Variants in CNTNAP5 observed in about 807,000 individuals in gnomAD.
CNTNAP5 encodes contactin-associated protein-like 5.
In CNTNAP5, 72 loss-of-function variants were observed where a neutral mutation model predicts 150.2. That is an observed-to-expected ratio of 0.48 (90% confidence interval 0.40 to 0.58). CNTNAP5 has a LOEUF of 0.58. Among genes scored for constraint, CNTNAP5 ranks in the 20% least tolerant of loss-of-function variants. CNTNAP5 has a pLI of 0.00. For synonymous variants in CNTNAP5, 672 were observed against 619.8 expected (o/e 1.08, Z -1.25); for missense variants, 1,636 against 1,626.2 (o/e 1.01, Z -0.10).
intron 3 of CNTNAP5, among the ~76,000 whole-genome samples, chr2:124,386,607 A>C (rs1410736294): frequency 6.6e-6 from 1 of 152,238 alleles, no homozygotes; most frequent in Non-Finnish European, 1.5e-5. Flanking sequence ...AGCCTTCTTC[A>C]ATAACTATCT....
At chr2:124,381,431 A>T (rs1377093377) in intron 3 of CNTNAP5, among the ~76,000 whole-genome samples, 2 of 152,128 alleles carry the variant, frequency 1.3e-5, no homozygotes, top group African/African-American at 4.8e-5. Context: ...TTAGACAAGC[A>T]TGCAACAGTA....
intron 1 of CNTNAP5, among the ~76,000 whole-genome samples, chr2:124,070,396 GAAAAAAAAAAAAAA>G (rs70996039): frequency 1.4e-5 from 1 of 72,960 alleles, no homozygotes; most frequent in Non-Finnish European, 2.5e-5. Context: ...GCTGAATGGG[GAAAAAAAAAAAAAA>G]AAAAAAAAAG....
intron 1 of CNTNAP5, among the ~76,000 whole-genome samples, chr2:124,211,877 G>A: frequency 6.6e-6 from 1 of 152,198 alleles, no homozygotes; most frequent in East Asian, 1.9e-4. Flanking sequence ...GATTGATTGA[G>A]CTACACTTTA....
intron 4 of CNTNAP5, among the ~76,000 whole-genome samples, chr2:124,421,764 C>T (rs1692107945): frequency 6.6e-6 from 1 of 152,196 alleles, no homozygotes; most frequent in Non-Finnish European, 1.5e-5. Context: ...CCAGAATTTA[C>T]AGGGTTGACT....
chr2:124,348,032 G>A (rs1350115249), intron 3 of CNTNAP5, among the ~76,000 whole-genome samples: 3 of 151,960 alleles, frequency 2.0e-5, no homozygotes, highest in Admixed American at 6.6e-5. Flanking sequence ...GGGTTTCACT[G>A]TGTTAGCCAG....
intron 1 of CNTNAP5, among the ~76,000 whole-genome samples, chr2:124,113,084 G>T (rs570519342): frequency 1.8e-3 from 268 of 152,194 alleles, no homozygotes; most frequent in Non-Finnish European, 2.8e-3. Flanking sequence ...AGAACAATTT[G>T]TTATTATCTA....
At chr2:124,752,553 A>T (rs2105151623) in intron 14 of CNTNAP5, among the ~76,000 whole-genome samples, 1 of 152,324 alleles carries the variant, frequency 6.6e-6, no homozygotes, top group East Asian at 1.9e-4. Flanking sequence ...GGAAAGCTTT[A>T]ACTACCCGTC....
At chr2:124,218,290 C>T (rs1686213325) in intron 1 of CNTNAP5, among the ~76,000 whole-genome samples, 1 of 152,124 alleles carries the variant, frequency 6.6e-6, no homozygotes, top group African/African-American at 2.4e-5. Flanking sequence ...AAATAGGCTT[C>T]CATTCCCGTT....
chr2:124,318,585 C>G (rs904976223), intron 3 of CNTNAP5, among the ~76,000 whole-genome samples: 13 of 152,172 alleles, frequency 8.5e-5, no homozygotes, highest in African/African-American at 3.1e-4. Context: ...ATTAATAAAC[C>G]AAGGGAAGAG....
chr2:124,619,088 G>T (rs182021788), intron 12 of CNTNAP5, among the ~76,000 whole-genome samples: 60 of 152,296 alleles, frequency 3.9e-4, no homozygotes, highest in Admixed American at 7.8e-4. Flanking sequence ...TCAAAAGGTA[G>T]TTCTCGGCTT....
chr2:124,567,987 A>G (rs531882561), intron 11 of CNTNAP5, among the ~76,000 whole-genome samples: 1 of 152,324 alleles, frequency 6.6e-6, no homozygotes, highest in South Asian at 2.1e-4. Context: ...GCTTATGTAA[A>G]TTCCACAAGG....
At chr2:124,474,716 T>TTA (rs1693598971) in intron 6 of CNTNAP5, 23 bp from the exon 7 acceptor site, 1 of 1,525,254 alleles carries the variant, frequency 6.6e-7, no homozygotes, top group Non-Finnish European at 8.8e-7. Flanking sequence ...ACTAAGAGTT[T>TTA]GTTTCTATTT....
At chr2:124,070,646 A>T (rs1682282832) in intron 1 of CNTNAP5, among the ~76,000 whole-genome samples, 1 of 151,976 alleles carries the variant, frequency 6.6e-6, no homozygotes, top group African/African-American at 2.4e-5. Flanking sequence ...GAAAAGAATG[A>T]TGATTGTAAA....
chr2:124,858,419 A>G (rs1470151451), intron 19 of CNTNAP5, among the ~76,000 whole-genome samples: 1 of 152,212 alleles, frequency 6.6e-6, no homozygotes, highest in Non-Finnish European at 1.5e-5. Flanking sequence ...TAACAGACAG[A>G]CAGAACCAAA....
chr2:124,831,266 A>T (rs1259946871), intron 19 of CNTNAP5, among the ~76,000 whole-genome samples: 1 of 151,850 alleles, frequency 6.6e-6, no homozygotes, highest in Non-Finnish European at 1.5e-5. Flanking sequence ...TTTTTAAATA[A>T]CCGCTCATTT....
chr2:124,048,030 A>G (rs1184357371), intron 1 of CNTNAP5, among the ~76,000 whole-genome samples: 1 of 152,212 alleles, frequency 6.6e-6, no homozygotes, highest in Non-Finnish European at 1.5e-5. Context: ...TTTCCAAGCT[A>G]CACTGAAACA....
chr2:124,139,567 G>T (rs1254675536), intron 1 of CNTNAP5, among the ~76,000 whole-genome samples: 1 of 152,080 alleles, frequency 6.6e-6, no homozygotes, highest in African/African-American at 2.4e-5. Flanking sequence ...TCAGAAGCAG[G>T]ATACTTGCCA....
intron 3 of CNTNAP5, among the ~76,000 whole-genome samples, chr2:124,326,954 G>A (rs1177570616): frequency 6.8e-5 from 10 of 147,840 alleles, no homozygotes; most frequent in African/African-American, 2.0e-4. Flanking sequence ...CAGCCTGGGC[G>A]ACGAGGTTAG....
chr2:124,430,093 G>C lies in CNTNAP5; in HGVS notation c.530-4391G>C, dbSNP rs114065621. Among the ~76,000 whole-genome samples, 726 of 152,192 alleles carry C rather than the reference G, an allele frequency of 4.8e-3. 3 individuals carry two copies. Among genetic ancestry groups the C allele is most frequent in the African/African-American group, 0.017 (693 of 41,528 alleles). ...TCCAATTGCGAGGTGCATTATGAAG[G>C]GAATGGCAAGGTGCTTAGAGGGAGA... On this transcript the variant is annotated intron_variant, in intron 4 of 23. Coordinates refer to ENST00000682447, the MANE Select transcript of CNTNAP5 (RefSeq NM_001367498.1).
Sources: gnomAD v4.1 joint callset for allele counts (sites outside exome capture counted in the v4.1 genomes callset) on GRCh38, gnomAD v4.1.1 for gene constraint, MANE v1.5 for transcripts, NCBI Gene and HGNC (gene_info 2026-07-23, HGNC 2026-07-21) for gene names.